Variants in TOP1MT observed in about 807,000 individuals in gnomAD.
TOP1MT encodes the protein DNA topoisomerase I, mitochondrial.
TOP1MT carries 80 observed loss-of-function variants against 73.9 expected under a neutral mutation model. The ratio of observed to expected loss-of-function variants is 1.08; its 90% CI spans 0.90 to 1.30. The LOEUF (loss-of-function observed/expected upper bound fraction) is 1.30, where lower values mean the gene tolerates loss of function less well. Ranked by LOEUF, TOP1MT falls within the 50% of genes most tolerant of loss-of-function variation. The probability of loss-of-function intolerance (pLI) is 0.00; values close to 1 mark genes in which losing one functional copy is unlikely to be tolerated. For missense variants in TOP1MT, 815 were observed against 808.0 expected, an observed-to-expected ratio of 1.01 and a Z score of -0.10; for synonymous variants, 338 against 326.4, an observed-to-expected ratio of 1.04 and a Z score of -0.38.
rs1408118381 is a variant in TOP1MT at position 143,326,277 on chromosome 8, CTG to C, written c.426_427del (p.His142GlnfsTer50). The C allele has an allele frequency of 1.9e-6, 3 of 1,613,802 alleles. No individual in the cohort carries two copies. Among genetic ancestry groups the C allele is most frequent in the Non-Finnish European group, 2.5e-6 (3 of 1,179,916 alleles). On this transcript the variant is annotated frameshift_variant, in exon 4 of 14. Coordinates refer to ENST00000329245, the MANE Select transcript of TOP1MT (RefSeq NM_052963.3). LOFTEE classifies it high-confidence loss of function. ...GGCTGCGGCCTTGTCCACAAAGTAT[CTG>C]TGGATCTCCGTGAAGTCACACTTGT...
chr8:143,340,857 C>T (rs999684272), intron 2 of TOP1MT, among the ~76,000 whole-genome samples: 1 of 152,208 alleles, frequency 6.6e-6, no homozygotes, highest in Non-Finnish European at 1.5e-5. Context: ...GTTTTTCCCA[C>T]CCACACTTCT....
At chr8:143,339,551 T>C (rs1436336679), upstream of TOP1MT, among the ~76,000 whole-genome samples, 1 of 149,512 alleles carries the variant, frequency 6.7e-6, no homozygotes, top group Non-Finnish European at 1.5e-5. Flanking sequence ...AAACACTCAC[T>C]TACTGCTGGC....
At chr8:143,354,051 T>C (rs1230793723) in intron 1 of TOP1MT, among the ~76,000 whole-genome samples, 1 of 149,794 alleles carries the variant, frequency 6.7e-6, no homozygotes, top group Non-Finnish European at 1.5e-5. Flanking sequence ...ATTCCACTTC[T>C]AGCTACATAC....
rs187867771 is a variant in TOP1MT at position 143,329,618 on chromosome 8, G to A, written c.239-147C>T. ...CCTTCTTCTGTAAGTTCAGAAGCAT[G>A]TTCTGCATGACACACGACAATCAAC... On this transcript the variant is annotated intron_variant, in intron 2 of 13. Coordinates refer to ENST00000329245, the MANE Select transcript of TOP1MT (RefSeq NM_052963.3). 136 of 966,150 alleles carry A rather than the reference G, an allele frequency of 1.4e-4. 1 individual carries two copies. In the African/African-American group the frequency reaches 2.1e-3, roughly 15 times the overall value. The allele number at this position is 966,150 out of a possible 1,614,324, so 59.8% of individuals were successfully genotyped here.
chr8:143,310,002 GGCCTCCTGGAAAACCCA>G, intron 13 of TOP1MT, 49 bp downstream of exon 13: 6 of 1,598,354 alleles, frequency 3.8e-6, no homozygotes, highest in Middle Eastern at 1.7e-4. Context: ...ACTGAACAGA[GGCCTCCTGGAAAACCCA>G]GGCCCCCCAT....
chr8:143,310,230 G>GTCC lies in TOP1MT; in HGVS notation c.1554-14_1554-13insGGA, dbSNP rs1815973828. On this transcript the variant is annotated splice_polypyrimidine_tract_variant and intron_variant, in intron 12 of 13. Transcript: ENST00000329245. ...CTTCTCCAGGACACTGGCAAGAGAA[G>GTCC]AGGAGGCCGCGAGGCCCCGCGCTGG... is the stretch of plus-strand genomic sequence containing the variant. 1.3e-6 allele frequency: 2 copies of GTCC among 1,518,322 alleles called. No individual in the cohort carries two copies. Among genetic ancestry groups the GTCC allele is most frequent in the African/African-American group, 2.8e-5 (2 of 71,996 alleles). 94.1% of individuals were successfully genotyped at this position (1,518,322 alleles called of 1,614,324 possible). A position where few individuals can be genotyped will look rare whatever the true frequency, so the allele number is the denominator to read the frequency against.
chr8:143,346,495 G>C (rs546525994), upstream of TOP1MT, among the ~76,000 whole-genome samples: 13 of 152,286 alleles, frequency 8.5e-5, no homozygotes, highest in South Asian at 2.7e-3. Context: ...AATAAGAAAG[G>C]GGGCTGTGCT....
intron 8 of TOP1MT, 49 bp downstream of exon 8, chr8:143,321,152 G>C (rs775914406): frequency 2.0e-6 from 3 of 1,506,680 alleles, no homozygotes; most frequent in Non-Finnish European, 2.7e-6. Flanking sequence ...CAGACATCCA[G>C]AGCAAATACG....
chr8:143,343,200 T>G, intron 2 of TOP1MT: 1 of 456,294 alleles, frequency 2.2e-6, no homozygotes, highest in South Asian at 1.5e-5. Context: ...ACACATTCAT[T>G]TCCTATTTAA....
rs1008995880 is a variant in TOP1MT at position 143,341,975 on chromosome 8, C to T, written c.29+1245G>A. 1.8e-4 allele frequency among the ~76,000 whole-genome samples: 15 copies of T among 82,558 alleles called. No homozygotes were observed. The highest frequency in any genetic ancestry group is 3.8e-4 in the Non-Finnish European group (13 of 34,042). The allele number at this position is 82,558 out of a possible 152,430, so 54.2% of individuals were successfully genotyped here. On this transcript the variant is annotated intron_variant, in intron 2 of 5. Transcript: ENST00000518007. The surrounding 1 kb of genome is among the most constrained non-coding windows in gnomAD (Gnocchi z 4.1). ...ATTATTATTATTAGAGACAGAGTCT[C>T]GCTGTTATTATTATTATTAGAGACA... is the stretch of plus-strand genomic sequence containing the variant.
intron 2 of TOP1MT, 121 bp from the exon 3 acceptor site, chr8:143,329,592 G>T: frequency 1.7e-6 from 2 of 1,183,918 alleles, no homozygotes; most frequent in Non-Finnish European, 2.3e-6. Context: ...AAGAAGCTAG[G>T]CCTTCTTCTG....
At chr8:143,310,390 C>T in intron 12 of TOP1MT, 173 bp from the exon 13 acceptor site, 3 of 533,208 alleles carry the variant, frequency 5.6e-6, no homozygotes, top group Non-Finnish European at 9.6e-6. Flanking sequence ...GAAGCTCAGC[C>T]CCACCCCAGC....
chr8:143,322,680 C>CAA (rs1563759850), intron 7 of TOP1MT, among the ~76,000 whole-genome samples: 24 of 94,032 alleles, frequency 2.6e-4, no homozygotes, highest in African/African-American at 1.3e-3. Context: ...CACACGCACG[C>CAA]CACACACGCA....
At chr8:143,326,617 A>G (rs1816715580) in intron 3 of TOP1MT, among the ~76,000 whole-genome samples, 1 of 152,238 alleles carries the variant, frequency 6.6e-6, no homozygotes, top group Non-Finnish European at 1.5e-5. Context: ...ACAAGTCAGT[A>G]GTAAAACTGG....
At chr8:143,342,446 TTA>T (rs1330207012) in intron 2 of TOP1MT, among the ~76,000 whole-genome samples, 10 of 138,824 alleles carry the variant, frequency 7.2e-5, no homozygotes, top group Non-Finnish European at 1.4e-4. Flanking sequence ...ATTATTATTA[TTA>T]GAGACAGAGT....
chr8:143,350,909 G>C (rs1182902359), intron 1 of TOP1MT, among the ~76,000 whole-genome samples: 1 of 151,976 alleles, frequency 6.6e-6, no homozygotes, highest in Non-Finnish European at 1.5e-5. Flanking sequence ...ACTTGAGTCT[G>C]GCTCCTGGGT....
At chr8:143,311,694 T>G (rs1234739490) in intron 12 of TOP1MT, among the ~76,000 whole-genome samples, 2 of 148,304 alleles carry the variant, frequency 1.3e-5, no homozygotes, top group African/African-American at 2.5e-5. Flanking sequence ...TGTGGTGAGC[T>G]GAGATCATGC....
At chr8:143,351,769 A>T (rs185128697) in intron 1 of TOP1MT, among the ~76,000 whole-genome samples, 34 of 152,206 alleles carry the variant, frequency 2.2e-4, no homozygotes, top group Non-Finnish European at 1.5e-5. Context: ...TTCATGGACT[A>T]GATGACTTCA....
At chr8:143,317,684 G>A in intron 10 of TOP1MT, 39 bp downstream of exon 10, 1 of 1,450,266 alleles carries the variant, frequency 6.9e-7, no homozygotes. Context: ...CAGGGGCCGT[G>A]CTCCCCCCGC....
Sources: gnomAD v4.1 joint callset for allele counts (sites outside exome capture counted in the v4.1 genomes callset) on GRCh38, gnomAD v4.1.1 for gene constraint, Gnocchi (gnomAD v3.1) non-coding constraint, MANE v1.5 for transcripts, NCBI Gene and HGNC (gene_info 2026-07-23, HGNC 2026-07-21) for gene names.